The following RALYL variants were observed in gnomAD, a reference collection of about 807,000 sequenced individuals.
RALYL encodes RALY RNA binding protein like.
Under a neutral mutation model 35.1 loss-of-function variants are expected in RALYL, and 29 were observed. The ratio of observed to expected loss-of-function variants is 0.83; its 90% CI spans 0.61 to 1.13. The LOEUF (loss-of-function observed/expected upper bound fraction) is 1.13. RALYL is among the 50% of genes most tolerant of loss of function. The pLI is 0.00. For synonymous variants in RALYL, 120 were observed against 127.6 expected, an observed-to-expected ratio of 0.94 and a Z score of 0.40; for missense variants, 359 against 360.4, an observed-to-expected ratio of 1.00 and a Z score of 0.03.
chr8:84,843,289 G>T, intron 4 of RALYL, among the ~76,000 whole-genome samples: 1 of 152,054 alleles, frequency 6.6e-6, no homozygotes, highest in Admixed American at 6.6e-5. Context: ...CAAAATCAAT[G>T]TACAAAAATC....
intron 2 of RALYL, among the ~76,000 whole-genome samples, chr8:84,530,409 A>G (rs913068724): frequency 6.6e-6 from 1 of 151,904 alleles, no homozygotes; most frequent in Admixed American, 6.6e-5. Context: ...AACAAAACCC[A>G]TGATTTTCCA....
At chr8:84,804,060 T>G (rs777831869) in intron 3 of RALYL, among the ~76,000 whole-genome samples, 1 of 151,936 alleles carries the variant, frequency 6.6e-6, no homozygotes, top group East Asian at 1.9e-4. Flanking sequence ...TTACATGTTG[T>G]AAAAAAAATG....
chr8:84,474,567 T>C (rs1312564923), intron 1 of RALYL, among the ~76,000 whole-genome samples: 2 of 152,166 alleles, frequency 1.3e-5, no homozygotes, highest in African/African-American at 4.8e-5. Flanking sequence ...AATTCCTCGA[T>C]GGAACTTCAA....
At chr8:84,326,453 G>A (rs1388955036) in intron 1 of RALYL, among the ~76,000 whole-genome samples, 2 of 152,120 alleles carry the variant, frequency 1.3e-5, no homozygotes, top group Admixed American at 1.3e-4. Flanking sequence ...TTAGCTAACA[G>A]CTTAACTTTC....
chr8:84,863,270 G>A (rs1838487377), intron 6 of RALYL, among the ~76,000 whole-genome samples: 1 of 152,212 alleles, frequency 6.6e-6, no homozygotes. Flanking sequence ...GTGAGGAAAA[G>A]AGAAAGTGAC....
intron 1 of RALYL, among the ~76,000 whole-genome samples, chr8:84,317,631 A>G (rs1486368714): frequency 6.6e-6 from 1 of 152,244 alleles, no homozygotes; most frequent in Non-Finnish European, 1.5e-5. Context: ...AGTTAAGCAC[A>G]TGGCCCTGTA....
At chr8:84,316,011 G>A (rs1467475621) in intron 1 of RALYL, among the ~76,000 whole-genome samples, 1 of 152,064 alleles carries the variant, frequency 6.6e-6, no homozygotes, top group Non-Finnish European at 1.5e-5. Flanking sequence ...TACAAAGAAT[G>A]TAACACTTTG....
chr8:84,694,618 T>A (rs1838766663), intron 2 of RALYL, among the ~76,000 whole-genome samples: 1 of 151,850 alleles, frequency 6.6e-6, no homozygotes, highest in South Asian at 2.1e-4. Context: ...AAAATATGTA[T>A]GGAACCACAG....
At chr8:84,189,960 C>G (rs1292450014) in intron 1 of RALYL, among the ~76,000 whole-genome samples, 2 of 152,144 alleles carry the variant, frequency 1.3e-5, no homozygotes, top group Non-Finnish European at 2.9e-5. Flanking sequence ...CTGAAGAGAG[C>G]CAATGCATGG....
chr8:84,809,358 T>TTGA (rs1825387649), intron 4 of RALYL, among the ~76,000 whole-genome samples: 1 of 152,206 alleles, frequency 6.6e-6, no homozygotes, highest in African/African-American at 2.4e-5. Context: ...GGTTATCTTT[T>TTGA]TGATATGTTG....
intron 1 of RALYL, among the ~76,000 whole-genome samples, chr8:84,514,671 C>T (rs573582754): frequency 2.6e-5 from 4 of 152,284 alleles, no homozygotes; most frequent in Middle Eastern, 3.4e-3. Context: ...CTACCACATA[C>T]GGGTCTAAAT....
chr8:84,854,727 T>C (rs1186866855), intron 5 of RALYL, among the ~76,000 whole-genome samples: 1 of 152,242 alleles, frequency 6.6e-6, no homozygotes, highest in Non-Finnish European at 1.5e-5. Flanking sequence ...CACTGTGATA[T>C]ACTGGAGTTA....
At chr8:84,630,303 TGTAACTG>T (rs1823642130) in intron 2 of RALYL, among the ~76,000 whole-genome samples, 3 of 151,956 alleles carry the variant, frequency 2.0e-5, no homozygotes, top group Admixed American at 2.0e-4. Flanking sequence ...GAACTCTTAG[TGTAACTG>T]GGACCTACTA....
chr8:84,773,386 T>C (rs1347549437), intron 2 of RALYL, among the ~76,000 whole-genome samples: 3 of 152,224 alleles, frequency 2.0e-5, no homozygotes, highest in South Asian at 2.1e-4. Context: ...CTTTCCTTTC[T>C]GTCAAAATAA....
intron 4 of RALYL, among the ~76,000 whole-genome samples, chr8:84,843,163 G>A (rs1004327236): frequency 2.6e-5 from 4 of 152,284 alleles, no homozygotes; most frequent in South Asian, 2.1e-4. Flanking sequence ...ATTAGGAAAA[G>A]AGGAAGTCAT....
At chr8:84,917,902 T>C (rs1019483314) in intron 8 of RALYL, among the ~76,000 whole-genome samples, 19 of 152,164 alleles carry the variant, frequency 1.2e-4, no homozygotes, top group African/African-American at 4.6e-4. Flanking sequence ...AAATTTGAAT[T>C]GAATTGTATC....
At chr8:84,309,360 T>C (rs1297481124) in intron 1 of RALYL, among the ~76,000 whole-genome samples, 3 of 151,652 alleles carry the variant, frequency 2.0e-5, no homozygotes, top group South Asian at 4.2e-4. Flanking sequence ...AGAAGTAGTA[T>C]AGAAAACATT....
At chr8:84,710,580 T>A (rs531260407) in intron 2 of RALYL, among the ~76,000 whole-genome samples, 1 of 149,182 alleles carries the variant, frequency 6.7e-6, no homozygotes, top group Non-Finnish European at 1.5e-5. Context: ...GGGATTACAG[T>A]TGTGAGCCAC....
intron 2 of RALYL, among the ~76,000 whole-genome samples, chr8:84,559,276 A>T (rs971004143): frequency 1.3e-5 from 2 of 152,196 alleles, no homozygotes; most frequent in Admixed American, 1.3e-4. Context: ...TCATAAAAAG[A>T]TACAGTAAGT....
Sources: allele counts gnomAD v4.1 joint callset (sites outside exome capture counted in the v4.1 genomes callset), GRCh38; gene constraint gnomAD v4.1.1; transcripts MANE v1.5; gene names NCBI Gene and HGNC (gene_info 2026-07-23, HGNC 2026-07-21).